Variants in LRBA observed in about 807,000 individuals in gnomAD.
LRBA encodes LPS responsive beige-like anchor protein.
Under a neutral mutation model 330.0 loss-of-function variants are expected in LRBA, and 176 were observed. The observed-to-expected ratio is 0.53, with a 90% CI of 0.47 to 0.60. The LOEUF is 0.60. LRBA is among the 20% of genes least tolerant of loss of function. The pLI is 0.00. For synonymous variants in LRBA, 1,230 were observed against 1,193.0 expected (o/e 1.03, Z -0.64); for missense variants, 3,259 against 3,444.8 (o/e 0.95, Z 1.35).
At chr4:150,881,608 C>A (rs1220664514) in intron 17 of LRBA, among the ~76,000 whole-genome samples, 1 of 152,130 alleles carries the variant, frequency 6.6e-6, no homozygotes, top group South Asian at 2.1e-4. Flanking sequence ...TACCTCAAAC[C>A]TCAGCATCAT....
intron 36 of LRBA, among the ~76,000 whole-genome samples, chr4:150,725,580 T>C (rs146844689): frequency 2.4e-4 from 36 of 152,198 alleles, no homozygotes; most frequent in Middle Eastern, 6.8e-3. Context: ...CTAAAAGAAA[T>C]GCTAAAGGGA....
intron 40 of LRBA, among the ~76,000 whole-genome samples, chr4:150,496,336 T>C (rs1759591156): frequency 6.6e-6 from 1 of 152,130 alleles, no homozygotes; most frequent in Non-Finnish European, 1.5e-5. Flanking sequence ...AACTCTTTTT[T>C]GTTTTCTTGT....
intron 42 of LRBA, among the ~76,000 whole-genome samples, chr4:150,479,710 C>T (rs886735774): frequency 6.6e-6 from 1 of 152,128 alleles, no homozygotes; most frequent in Non-Finnish European, 1.5e-5. Context: ...GTATAACTAT[C>T]AAGAGAAAGT....
At chr4:150,984,037 C>A (rs1741157822) in intron 2 of LRBA, among the ~76,000 whole-genome samples, 1 of 152,174 alleles carries the variant, frequency 6.6e-6, no homozygotes, top group South Asian at 2.1e-4. Context: ...CCTCTACTGC[C>A]CACCCCCAAC....
intron 2 of LRBA, among the ~76,000 whole-genome samples, chr4:150,935,495 C>G (rs919689227): frequency 3.9e-5 from 6 of 152,044 alleles, no homozygotes; most frequent in African/African-American, 1.4e-4. Flanking sequence ...ATGAACAGAC[C>G]TGTTTCTGGA....
intron 51 of LRBA, 33 bp downstream of exon 51, chr4:150,315,528 A>C (rs1370690801): frequency 1.3e-6 from 2 of 1,576,116 alleles, no homozygotes; most frequent in African/African-American, 2.7e-5. Flanking sequence ...TACAGAGCTT[A>C]ATGAATCGCA....
At chr4:150,408,121 G>A (rs1279915154) in intron 47 of LRBA, among the ~76,000 whole-genome samples, 1 of 151,826 alleles carries the variant, frequency 6.6e-6, no homozygotes, top group Non-Finnish European at 1.5e-5. Flanking sequence ...TTGGCTCTTT[G>A]AAAAGACAAC....
At position 150,588,870 on chromosome 4, in the gene LRBA, T is replaced by C. The variant is rs1772448066; in HGVS notation, c.6194-686A>G. Among the ~76,000 whole-genome samples, 3 of 152,156 alleles carry C rather than the reference T, an allele frequency of 2.0e-5. No individual in the cohort carries two copies. In the South Asian group the frequency reaches 6.2e-4, roughly 32 times the overall value. On this transcript the variant is annotated intron_variant, in intron 39 of 56. Transcript: ENST00000651943. ...GAGGGTGGGTTTCCAAGTGAATGAA[T>C]TTTTATTGGAATAATCAAATCTCCA... is the stretch of plus-strand genomic sequence containing the variant.
At chr4:150,939,048 C>G (rs1367087222) in intron 2 of LRBA, among the ~76,000 whole-genome samples, 1 of 152,074 alleles carries the variant, frequency 6.6e-6, no homozygotes, top group African/African-American at 2.4e-5. Context: ...TGGTTATGTG[C>G]CCTGGTAAGT....
At chr4:150,832,996 G>A (rs1055820838) in intron 28 of LRBA, among the ~76,000 whole-genome samples, 9 of 151,884 alleles carry the variant, frequency 5.9e-5, no homozygotes, top group Admixed American at 1.3e-4. Context: ...GGCTGGTCTC[G>A]AACTCTTGGC....
intron 38 of LRBA, among the ~76,000 whole-genome samples, chr4:150,591,259 T>C (rs1450961866): frequency 6.6e-6 from 1 of 152,218 alleles, no homozygotes; most frequent in Non-Finnish European, 1.5e-5. Context: ...AACAATGTTA[T>C]ACTGACAAAC....
chr4:150,468,262 A>G (rs1225751891), intron 43 of LRBA, among the ~76,000 whole-genome samples: 1 of 152,076 alleles, frequency 6.6e-6, no homozygotes, highest in Admixed American at 6.6e-5. Flanking sequence ...ACCCTGGTGG[A>G]CATTCACCAG....
intron 34 of LRBA, among the ~76,000 whole-genome samples, chr4:150,771,850 G>GA (rs1406806835): frequency 1.3e-5 from 2 of 152,152 alleles, no homozygotes; most frequent in Admixed American, 6.5e-5. Context: ...GGCGGCTGGG[G>GA]AAAGAGGCTG....
chr4:150,590,277 TGAGA>T (rs914349109), intron 39 of LRBA, among the ~76,000 whole-genome samples: 48 of 151,456 alleles, frequency 3.2e-4, no homozygotes, highest in African/African-American at 1.1e-3. Context: ...GGAATTGATT[TGAGA>T]GAGTTACATG....
chr4:150,589,072 C>CAGAGAG (rs368551241), intron 39 of LRBA, among the ~76,000 whole-genome samples: 476 of 148,830 alleles, frequency 3.2e-3, no homozygotes, highest in African/African-American at 0.011. Context: ...CACACACACA[C>CAGAGAG]AGAGAGAGAG....
chr4:150,671,918 A>T (rs1362510210), intron 37 of LRBA, among the ~76,000 whole-genome samples: 1 of 152,210 alleles, frequency 6.6e-6, no homozygotes, highest in Non-Finnish European at 1.5e-5. Flanking sequence ...TTAGCAAGGC[A>T]ATATGAAGGA....
chr4:150,849,039 G>GAA, intron 25 of LRBA, 41 bp from the exon 26 acceptor site: 1 of 1,364,444 alleles, frequency 7.3e-7, no homozygotes, highest in Non-Finnish European at 9.9e-7. Context: ...TATATATTCT[G>GAA]AAAAAAAAAT....
chr4:150,801,192 A>C (rs1015967116), intron 33 of LRBA, among the ~76,000 whole-genome samples: 2 of 152,202 alleles, frequency 1.3e-5, no homozygotes, highest in East Asian at 1.9e-4. Flanking sequence ...TAAACTCAAG[A>C]AGTTTTACTC....
At chr4:150,627,912 T>G (rs1777011077) in intron 37 of LRBA, among the ~76,000 whole-genome samples, 1 of 152,096 alleles carries the variant, frequency 6.6e-6, no homozygotes, top group Admixed American at 6.5e-5. Flanking sequence ...CATTATCAGA[T>G]GGAATGCAGT....
Sources: gnomAD v4.1 joint callset for allele counts (sites outside exome capture counted in the v4.1 genomes callset) on GRCh38, gnomAD v4.1.1 for gene constraint, MANE v1.5 for transcripts, NCBI Gene and HGNC (gene_info 2026-07-23, HGNC 2026-07-21) for gene names.